Variants in NPAS3 observed in about 807,000 individuals in gnomAD.
The protein encoded by NPAS3 is neuronal PAS domain protein 3.
A neutral mutation model predicts 73.1 loss-of-function variants in NPAS3; 14 were observed. The ratio of observed to expected loss-of-function variants is 0.19; its 90% CI spans 0.13 to 0.30. The LOEUF (loss-of-function observed/expected upper bound fraction) is 0.30. NPAS3 is among the 10% of genes least tolerant of loss of function. The probability of loss-of-function intolerance (pLI) is 1.00; values close to 1 mark genes in which losing one functional copy is unlikely to be tolerated. For missense variants in NPAS3, 1,096 were observed against 1,250.0 expected (o/e 0.88, Z 1.86); for synonymous variants, 620 against 541.5 (o/e 1.14, Z -2.01).
At chr14:33,171,524 G>T (rs1283841847) in intron 2 of NPAS3, among the ~76,000 whole-genome samples, 1 of 152,140 alleles carries the variant, frequency 6.6e-6, no homozygotes, top group Non-Finnish European at 1.5e-5. Flanking sequence ...CTGCTAGCTT[G>T]CAACTTTTCT....
intron 7 of NPAS3, among the ~76,000 whole-genome samples, chr14:33,767,137 T>C (rs2062489069): frequency 6.6e-6 from 1 of 152,174 alleles, no homozygotes; most frequent in Admixed American, 6.5e-5. Flanking sequence ...TATTTGTTTT[T>C]TCAGGCCTTG....
intron 2 of NPAS3, among the ~76,000 whole-genome samples, chr14:33,090,026 A>G (rs2042170798): frequency 6.6e-6 from 1 of 152,222 alleles, no homozygotes; most frequent in South Asian, 2.1e-4. Context: ...AACAACCACT[A>G]CTAACCACTG....
chr14:33,505,940 A>C (rs2052738558), intron 4 of NPAS3, among the ~76,000 whole-genome samples: 1 of 151,834 alleles, frequency 6.6e-6, no homozygotes, highest in African/African-American at 2.4e-5. Context: ...CAGGACTTTT[A>C]CATCGCCTTT....
At chr14:33,613,130 A>G (rs1003169165) in intron 5 of NPAS3, among the ~76,000 whole-genome samples, 1 of 152,218 alleles carries the variant, frequency 6.6e-6, no homozygotes, top group African/African-American at 2.4e-5. Flanking sequence ...AAATATGGAT[A>G]ATATAAAAGA....
In NPAS3 at chr14:33,204,071, GTGA is replaced by G. The variant is rs1283844817; in HGVS notation, c.141-11104_141-11102del. Among the ~76,000 whole-genome samples, 7 of 152,180 alleles carry G rather than the reference GTGA, an allele frequency of 4.6e-5. No individual in the cohort carries two copies. The East Asian group carries it at 1.3e-3, about 29-fold the overall frequency. ...TTGATTTGCGTTTCTCTGATGGCCG[GTGA>G]TGATGAGCATTTTTTCATGTGTCTT... is the stretch of plus-strand genomic sequence containing the variant. On this transcript the variant is annotated intron_variant, in intron 2 of 11. Coordinates refer to ENST00000356141, the Ensembl canonical transcript of NPAS3.
chr14:32,971,721 T>C (rs1233160757), intron 1 of NPAS3, among the ~76,000 whole-genome samples: 2 of 152,126 alleles, frequency 1.3e-5, no homozygotes, highest in Admixed American at 6.5e-5. Flanking sequence ...AGTATACTTT[T>C]CCAGAATGTG....
intron 6 of NPAS3, among the ~76,000 whole-genome samples, chr14:33,732,952 T>C (rs1316749400): frequency 2.0e-5 from 3 of 152,194 alleles, no homozygotes; most frequent in African/African-American, 4.8e-5. Context: ...CAGTTCTCCA[T>C]ATAGAAAACA....
At chr14:33,051,280 C>CAAAAAAAA (rs1236766783) in intron 1 of NPAS3, among the ~76,000 whole-genome samples, 4 of 64,250 alleles carry the variant, frequency 6.2e-5, no homozygotes, top group South Asian at 5.6e-4. Flanking sequence ...GACTCCGTCT[C>CAAAAAAAA]AAAAAAAAAA....
chr14:33,190,965 T>TC (rs1555352620), intron 2 of NPAS3, among the ~76,000 whole-genome samples: 5 of 152,070 alleles, frequency 3.3e-5, no homozygotes, highest in Non-Finnish European at 5.9e-5. Flanking sequence ...GCTTATGGAT[T>TC]CCCCCCCACA....
At chr14:33,738,852 G>A (rs1307523571) in intron 7 of NPAS3, among the ~76,000 whole-genome samples, 2 of 152,140 alleles carry the variant, frequency 1.3e-5, no homozygotes, top group African/African-American at 4.8e-5. Flanking sequence ...TTCTTGATTA[G>A]GTCTATGTCT....
chr14:33,749,068 T>C (rs1444601505), intron 7 of NPAS3, among the ~76,000 whole-genome samples: 1 of 152,174 alleles, frequency 6.6e-6, no homozygotes, highest in Non-Finnish European at 1.5e-5. Flanking sequence ...AGTGAACTTT[T>C]GCACCTTGTT....
chr14:33,750,572 G>A (rs1371168367), intron 7 of NPAS3, among the ~76,000 whole-genome samples: 1 of 152,116 alleles, frequency 6.6e-6, no homozygotes, highest in African/African-American at 2.4e-5. Context: ...TTCTCAGTTT[G>A]TAATAACCTG....
At chr14:33,409,258 G>T (rs1171000536) in intron 4 of NPAS3, among the ~76,000 whole-genome samples, 4 of 152,096 alleles carry the variant, frequency 2.6e-5, no homozygotes, top group African/African-American at 7.2e-5. Context: ...CTGATTAGAG[G>T]TGCAGAAATA....
chr14:33,154,569 A>G (rs887594467), intron 2 of NPAS3, among the ~76,000 whole-genome samples: 14 of 152,324 alleles, frequency 9.2e-5, no homozygotes, highest in African/African-American at 2.9e-4. Context: ...ACTGATCGTG[A>G]AGCCTTTTAC....
At chr14:33,323,466 T>G (rs2043550897) in intron 3 of NPAS3, among the ~76,000 whole-genome samples, 1 of 152,188 alleles carries the variant, frequency 6.6e-6, no homozygotes, top group African/African-American at 2.4e-5. Context: ...ACCTCTACTC[T>G]CTTTGGCACT....
rs3850256 is a variant in NPAS3, at chr14:33,551,818, G to A, written c.469-8303G>A. ...ACTCATGGGAATTTCTTCAAAGTCTGGTGGTCTTTTGACTGCATGTTTTCC... is the reference window on the plus strand; with the variant it reads ...ACTCATGGGAATTTCTTCAAAGTCTAGTGGTCTTTTGACTGCATGTTTTCC... On this transcript the variant is annotated intron_variant, in intron 4 of 11. Coordinates refer to ENST00000356141, the Ensembl canonical transcript of NPAS3. Among the ~76,000 whole-genome samples the A allele has an allele frequency of 9.4e-3, 1,429 of 152,210 alleles. 25 individuals carry two copies. Among genetic ancestry groups the A allele is most frequent in the African/African-American group, 0.032 (1,348 of 41,528 alleles).
At chr14:33,154,756 T>G (rs1476562731) in intron 2 of NPAS3, among the ~76,000 whole-genome samples, 2 of 152,162 alleles carry the variant, frequency 1.3e-5, no homozygotes, top group Admixed American at 6.5e-5. Context: ...ATATGACAAT[T>G]AGTTACATGA....
At chr14:33,031,395 G>A (rs916499020) in intron 1 of NPAS3, among the ~76,000 whole-genome samples, 2 of 152,128 alleles carry the variant, frequency 1.3e-5, no homozygotes, top group Admixed American at 6.5e-5. Flanking sequence ...GCCTAGTTAT[G>A]GCTACAGCTT....
intron 4 of NPAS3, among the ~76,000 whole-genome samples, chr14:33,502,305 C>T (rs1424062861): frequency 6.6e-6 from 1 of 151,530 alleles, no homozygotes; most frequent in Non-Finnish European, 1.5e-5. Flanking sequence ...TTTTCCTCCC[C>T]TTTTCTTCTC....
Sources: gnomAD v4.1 joint callset for allele counts (sites outside exome capture counted in the v4.1 genomes callset) on GRCh38, gnomAD v4.1.1 for gene constraint, MANE v1.5 for transcripts, NCBI Gene and HGNC (gene_info 2026-07-23, HGNC 2026-07-21) for gene names.